Variants in KIF13A observed in about 807,000 individuals in gnomAD.
KIF13A encodes kinesin family member 13A.
In KIF13A, 79 loss-of-function variants were observed where a neutral mutation model predicts 212.2. That is an observed-to-expected ratio of 0.37 (90% confidence interval 0.31 to 0.45). KIF13A has a LOEUF of 0.45. KIF13A is among the 20% of genes least tolerant of loss of function. KIF13A has a pLI of 1.00. For synonymous variants in KIF13A, 789 were observed against 808.6 expected (o/e 0.98, Z 0.41); for missense variants, 1,901 against 2,209.0 (o/e 0.86, Z 2.79).
At chr6:17,948,085 T>C (rs576882060) in intron 2 of KIF13A, among the ~76,000 whole-genome samples, 1 of 152,342 alleles carries the variant, frequency 6.6e-6, no homozygotes, top group African/African-American at 2.4e-5. Context: ...ATACTGAGAA[T>C]ATACTTTTAA....
chr6:17,866,061 A>C (rs1315382149), intron 4 of KIF13A, among the ~76,000 whole-genome samples: 1 of 152,232 alleles, frequency 6.6e-6, no homozygotes, highest in African/African-American at 2.4e-5. Context: ...CCTGTGAAGA[A>C]TGTCTTACAG....
In KIF13A at chr6:17,849,193, G is replaced by T. The variant is rs577985823; in HGVS notation, c.830+184C>A. Among the ~76,000 whole-genome samples, 2 of 152,138 alleles carry T rather than the reference G, an allele frequency of 1.3e-5. No homozygotes were observed. Among genetic ancestry groups the T allele is most frequent in the Non-Finnish European group, 1.5e-5 (1 of 68,024 alleles). ...ACTGGGATTACAGGCATGAGCCACCGTGCCTGGCCAAAAACCTCATACATC... is the reference window on the plus strand; with the variant it reads ...ACTGGGATTACAGGCATGAGCCACCTTGCCTGGCCAAAAACCTCATACATC... On this transcript the variant is annotated intron_variant, in intron 9 of 38. Coordinates refer to ENST00000259711, the MANE Select transcript of KIF13A (RefSeq NM_022113.6). The surrounding 1 kb of genome is among the most constrained non-coding windows in gnomAD (Gnocchi z 5.7).
chr6:17,923,925 C>T (rs1431484626), intron 2 of KIF13A, among the ~76,000 whole-genome samples: 1 of 152,100 alleles, frequency 6.6e-6, no homozygotes, highest in South Asian at 2.1e-4. Context: ...TTTACATGAT[C>T]AGCCCTCTCA....
At chr6:17,921,115 A>C (rs1775033611) in intron 2 of KIF13A, among the ~76,000 whole-genome samples, 1 of 152,190 alleles carries the variant, frequency 6.6e-6, no homozygotes, top group Non-Finnish European at 1.5e-5. Flanking sequence ...CTGCAGCAAG[A>C]CACACTAATG....
intron 34 of KIF13A, 150 bp from the exon 35 acceptor site, chr6:17,775,212 T>C: frequency 1.7e-6 from 1 of 599,930 alleles, no homozygotes; most frequent in Non-Finnish European, 2.9e-6. Context: ...GTGACTACTC[T>C]CAATTTGGGG....
chr6:17,781,168 G>A lies in KIF13A; in HGVS notation c.3669+9C>T, dbSNP rs202118540. 897 of 1,613,876 alleles carry A rather than the reference G, an allele frequency of 5.6e-4. 13 individuals are homozygous for A. The South Asian group carries it at 9.3e-3, about 17-fold the overall frequency. ...GAAGCCTTTTAAGAGAAACTTGGGG[G>A]TTAATTACCTCATCATCACTGTGCT... On this transcript the variant is annotated intron_variant, in intron 30 of 38. Transcript: ENST00000259711.
At chr6:17,939,394 C>G (rs765239645) in intron 2 of KIF13A, among the ~76,000 whole-genome samples, 1 of 152,174 alleles carries the variant, frequency 6.6e-6, no homozygotes, top group Non-Finnish European at 1.5e-5. Context: ...CAAGGCCATT[C>G]GAGTTTATTT....
chr6:17,854,387 C>T (rs1330519542), intron 6 of KIF13A, among the ~76,000 whole-genome samples: 6 of 152,108 alleles, frequency 3.9e-5, no homozygotes, highest in African/African-American at 7.2e-5. Flanking sequence ...ATCCACCCAC[C>T]TTGGCCTCCC....
chr6:17,849,563 C>T lies in KIF13A; in HGVS notation c.718-74G>A. On this transcript the variant is annotated intron_variant, in intron 8 of 38. Coordinates refer to ENST00000259711, the MANE Select transcript of KIF13A (RefSeq NM_022113.6). This position sits in a 1 kb window ranked among gnomAD's most constrained non-coding sequence, Gnocchi z 5.7. ...ACATGGATATCTACATATATGTTAG[C>T]ACTATAATTGAGCAATCCATCCCAC... 1 of 1,054,750 alleles carries T rather than the reference C, an allele frequency of 9.5e-7. No individual in the cohort carries two copies. Among genetic ancestry groups the T allele is most frequent in the Non-Finnish European group, 1.4e-6 (1 of 707,862 alleles). 65.3% of individuals were successfully genotyped at this position (1,054,750 alleles called of 1,614,324 possible).
rs2150324260 is a variant in KIF13A at position 17,794,641 on chromosome 6, T to C, written c.3006A>G (p.Gly1002=). 1.2e-6 allele frequency: 2 copies of C among 1,613,452 alleles called. No homozygotes were observed. The highest frequency in any genetic ancestry group is 4.5e-5 in the East Asian group (2 of 44,868). The change falls in exon 24 of 39, where the codon GGA becomes GGG. Residue 1002 remains glycine (G), a synonymous_variant. Coordinates refer to ENST00000259711, the MANE Select transcript of KIF13A (RefSeq NM_022113.6). This position sits in a 1 kb window ranked among gnomAD's most constrained non-coding sequence, Gnocchi z 4.1. ...GATGAAGTTCCACTGCAGCATACTCTCCTAACTCATTCAATTCTAATATGG... is the reference window on the plus strand; with the variant it reads ...GATGAAGTTCCACTGCAGCATACTCCCCTAACTCATTCAATTCTAATATGG... The part of the protein sequence containing the change: ...WISILELNEL[G]EYAAVELHQA...
In KIF13A at chr6:17,764,747, C is replaced by T; in HGVS notation, c.4781G>A (p.Ser1594Asn). The change falls in exon 39 of 39, where the codon AGT (serine) becomes AAT (asparagine). Residue 1594 changes from serine (S) to asparagine (N), a missense_variant. Physicochemically the swap from Ser to Asn is conservative, Grantham distance 46. This residue lies in a region of KIF13A where 687 missense variants were observed against 759.1 expected (regional missense o/e 0.90). Transcript: ENST00000259711. The surrounding 1 kb of genome is among the most constrained non-coding windows in gnomAD (Gnocchi z 5.1). ...GTGGGAAAAGTAGCCACTGGTAATA[C>T]TGCTGGTGGTAGGGCTACGGGACAC... ...KEVSRSPTTS[S>N]ITSGYFSHSA... 2 of 1,613,084 alleles carry T rather than the reference C, an allele frequency of 1.2e-6. No individual in the cohort carries two copies. Among genetic ancestry groups the T allele is most frequent in the Non-Finnish European group, 1.7e-6 (2 of 1,179,472 alleles).
Position 17,783,695 on chromosome 6 carries a change from TG to T in KIF13A, c.3494del (p.Pro1165HisfsTer16). 1 of 1,569,134 alleles carries T rather than the reference TG, an allele frequency of 6.4e-7. No individual in the cohort carries two copies. On this transcript the variant is annotated frameshift_variant, in exon 29 of 39. Transcript: ENST00000259711. LOFTEE classifies it high-confidence loss of function. This position sits in a 1 kb window ranked among gnomAD's most constrained non-coding sequence, Gnocchi z 4.3. Reference sequence around the variant, plus strand: ...GTATGTGGGTTTCCATTCCAGGAGGTGGGATCCTAAATTTAATAACAACATT... The same window carrying T: ...GTATGTGGGTTTCCATTCCAGGAGGTGGATCCTAAATTTAATAACAACATT... The part of the protein sequence containing the change: ...GIPGAPADWI[P>X]PPGMETHIPV...
chr6:17,917,235 CTTTTTTTTTTTTTT>C (rs71002284), intron 2 of KIF13A, among the ~76,000 whole-genome samples: 2 of 79,098 alleles, frequency 2.5e-5, no homozygotes, highest in Non-Finnish European at 2.3e-5. Context: ...TTACACGATT[CTTTTTTTTTTTTTT>C]TTTTTTTTTG....
At chr6:17,891,291 A>G (rs768249931) in intron 3 of KIF13A, among the ~76,000 whole-genome samples, 1 of 152,270 alleles carries the variant, frequency 6.6e-6, no homozygotes, top group African/African-American at 2.4e-5. Flanking sequence ...TGTAACATTT[A>G]TCAAAGAGAA....
rs1489030576 is a variant in KIF13A at position 17,764,309 on chromosome 6, C to G, written c.5219G>C (p.Gly1740Ala). Reference protein sequence around the residue: ...LEDHSFTEFMGVSEGKDFDGL... With the variant: ...LEDHSFTEFMAVSEGKDFDGL... ...ATCAAAATCTTTTCCCTCTGACACT[C>G]CCATAAATTCTGTGAAAGAATGGTC... The change falls in exon 39 of 39, where the codon GGA becomes GCA. Residue 1740 changes from glycine to alanine, a missense_variant. By Grantham distance (60) the Gly-to-Ala change is moderately conservative. This residue lies in a region of KIF13A where 687 missense variants were observed against 759.1 expected (regional missense o/e 0.90). Transcript: ENST00000259711. This position sits in a 1 kb window ranked among gnomAD's most constrained non-coding sequence, Gnocchi z 5.1. 2 of 1,613,908 alleles carry G rather than the reference C, an allele frequency of 1.2e-6. No individual in the cohort carries two copies. Among genetic ancestry groups the G allele is most frequent in the African/African-American group, 2.7e-5 (2 of 74,940 alleles).
At chr6:17,885,109 G>C (rs1365215928) in intron 3 of KIF13A, among the ~76,000 whole-genome samples, 1 of 150,404 alleles carries the variant, frequency 6.6e-6, no homozygotes, top group Non-Finnish European at 1.5e-5. Context: ...AAGTTGTGAA[G>C]ATTCATAAAA....
In KIF13A at chr6:17,918,916, C is replaced by T. The variant is rs946475100; in HGVS notation, c.147-20736G>A. Among the ~76,000 whole-genome samples the T allele has an allele frequency of 1.3e-5, 2 of 152,146 alleles. No individual in the cohort carries two copies. Among genetic ancestry groups the T allele is most frequent in the Admixed American group, 6.5e-5 (1 of 15,278 alleles). ...TATTTGCTTATTATCCACAGGTCTCCCCTGGATCTGACAGTTATAAGATCC... is the reference window on the plus strand; with the variant it reads ...TATTTGCTTATTATCCACAGGTCTCTCCTGGATCTGACAGTTATAAGATCC... On this transcript the variant is annotated intron_variant, in intron 2 of 38. Transcript: ENST00000259711. The surrounding 1 kb of genome is among the most constrained non-coding windows in gnomAD (Gnocchi z 4.8).
chr6:17,970,580 T>C (rs893164259), intron 2 of KIF13A, among the ~76,000 whole-genome samples: 3 of 152,244 alleles, frequency 2.0e-5, no homozygotes, highest in African/African-American at 7.2e-5. Context: ...TTCTTTTCTC[T>C]TTCCTTTTCT....
Position 17,764,977 on chromosome 6 carries a change from G to C in KIF13A, c.4582-31C>G. On this transcript the variant is annotated intron_variant, in intron 38 of 38. Coordinates refer to ENST00000259711, the MANE Select transcript of KIF13A (RefSeq NM_022113.6). The surrounding 1 kb of genome is among the most constrained non-coding windows in gnomAD (Gnocchi z 5.1). ...GAAGTGAAGCAAAAGTCAGTCATTA[G>C]CTCCTTGTAGCAACTGTACTGTTGA... is the stretch of plus-strand genomic sequence containing the variant. 8 of 1,511,280 alleles carry C rather than the reference G, an allele frequency of 5.3e-6. No individual in the cohort carries two copies. Among genetic ancestry groups the C allele is most frequent in the Non-Finnish European group, 7.2e-6 (8 of 1,114,000 alleles). 93.6% of individuals were successfully genotyped at this position (1,511,280 alleles called of 1,614,324 possible). A position where few individuals can be genotyped will look rare whatever the true frequency, so the allele number is the denominator to read the frequency against.
Sources: allele counts gnomAD v4.1 joint callset (sites outside exome capture counted in the v4.1 genomes callset), GRCh38; gene constraint gnomAD v4.1.1; regional missense constraint gnomAD v4.1.1; non-coding constraint Gnocchi (gnomAD v3.1); transcripts MANE v1.5; gene names NCBI Gene and HGNC (gene_info 2026-07-23, HGNC 2026-07-21).